Variants in FKBP9 observed in about 807,000 individuals in gnomAD.
FKBP9 encodes the protein peptidyl-prolyl cis-trans isomerase FKBP9.
Under a neutral mutation model 55.6 loss-of-function variants are expected in FKBP9, and 27 were observed. The observed-to-expected ratio is 0.49, with a 90% CI of 0.36 to 0.67. The LOEUF (loss-of-function observed/expected upper bound fraction) is 0.67, where lower values mean the gene tolerates loss of function less well. FKBP9 is among the 30% of genes least tolerant of loss of function. The probability of loss-of-function intolerance (pLI) is 0.00; values close to 1 mark genes in which losing one functional copy is unlikely to be tolerated. For synonymous variants in FKBP9, 267 were observed against 296.5 expected (o/e 0.90, Z 1.02); for missense variants, 539 against 742.8 (o/e 0.73, Z 3.19).
intron 1 of FKBP9, among the ~76,000 whole-genome samples, chr7:32,959,401 C>CA (rs1207045408): frequency 1.3e-4 from 19 of 151,646 alleles, no homozygotes; most frequent in Non-Finnish European, 2.4e-4. Flanking sequence ...GACTCCGTCT[C>CA]AAAAAACAAA....
At chr7:32,979,384 C>A (rs530415209) in intron 4 of FKBP9, 3 of 702,516 alleles carry the variant, frequency 4.3e-6, no homozygotes, top group South Asian at 1.6e-5. Context: ...CTATCTCCCA[C>A]GCATGCGATT....
rs1338591628 is a variant in FKBP9 at position 33,002,481 on chromosome 7, C to G, written c.1373-195C>G. On this transcript the variant is annotated intron_variant, in intron 8 of 9. Coordinates refer to ENST00000242209, the MANE Select transcript of FKBP9 (RefSeq NM_007270.5). ...AAATAACTAAACGCTGGTCACCACCCTCTAAACTGATTTCGTGAGTCATTA... is the reference window on the plus strand; with the variant it reads ...AAATAACTAAACGCTGGTCACCACCGTCTAAACTGATTTCGTGAGTCATTA... 2.6e-5 allele frequency among the ~76,000 whole-genome samples: 4 copies of G among 152,176 alleles called. No homozygotes were observed. In the East Asian group the frequency reaches 7.7e-4, roughly 29 times the overall value.
In FKBP9 at chr7:32,990,845, A is replaced by G. The variant is rs1010165622; in HGVS notation, c.1039+2193A>G. On this transcript the variant is annotated intron_variant, in intron 6 of 9. Transcript: ENST00000242209. ...TTGTTGATACATCATATGTATCTTG[A>G]GAGTTTTCCCAGTAGTGTTCATCCC... Among the ~76,000 whole-genome samples, 3 of 152,310 alleles carry G rather than the reference A, an allele frequency of 2.0e-5. No individual in the cohort carries two copies. In the East Asian group the frequency reaches 5.8e-4, roughly 29 times the overall value.
At chr7:32,961,866 A>G (rs1214091960) in intron 1 of FKBP9, among the ~76,000 whole-genome samples, 1 of 151,536 alleles carries the variant, frequency 6.6e-6, no homozygotes, top group Non-Finnish European at 1.5e-5. Flanking sequence ...CCTAGATGGG[A>G]CCATCTAGTT....
intron 1 of FKBP9, among the ~76,000 whole-genome samples, chr7:32,972,226 G>T: frequency 6.6e-6 from 1 of 152,134 alleles, no homozygotes; most frequent in Non-Finnish European, 1.5e-5. Context: ...GGGTGGAGGT[G>T]TAAAGCTGAC....
intron 4 of FKBP9, among the ~76,000 whole-genome samples, chr7:32,979,097 C>T (rs1398867571): frequency 9.9e-5 from 15 of 152,060 alleles, no homozygotes; most frequent in Middle Eastern, 3.4e-3. Context: ...GGGGAAACCC[C>T]GTCTCTACTA....
At position 32,974,899 on chromosome 7, in the gene FKBP9, C is replaced by A. The variant is rs1366681103; in HGVS notation, c.367+137C>A. 5 of 785,046 alleles carry A rather than the reference C, an allele frequency of 6.4e-6. No individual in the cohort carries two copies. In the East Asian group the frequency reaches 1.1e-4, roughly 17 times the overall value. The allele number at this position is 785,046 out of a possible 1,614,324, so 48.6% of individuals were successfully genotyped here. A position where few individuals can be genotyped will look rare whatever the true frequency, so the allele number is the denominator to read the frequency against. Reference sequence around the variant, plus strand: ...TGAAAAGCAGTGAACTCATACACAGCTAAAATTTCCATCTTAGGTTTATTT... The same window carrying A: ...TGAAAAGCAGTGAACTCATACACAGATAAAATTTCCATCTTAGGTTTATTT... On this transcript the variant is annotated intron_variant, in intron 2 of 9. Transcript: ENST00000242209.
intron 1 of FKBP9, among the ~76,000 whole-genome samples, chr7:32,965,832 T>TATATATGTGTATAC (rs1554284331): frequency 2.3e-5 from 1 of 43,476 alleles, no homozygotes; most frequent in Non-Finnish European, 4.3e-5. Flanking sequence ...TATATATATA[T>TATATATGTGTATAC]ATATATATAT....
intron 1 of FKBP9, among the ~76,000 whole-genome samples, chr7:32,965,843 A>ATATATATATG (rs1309792242): frequency 9.7e-5 from 4 of 41,414 alleles, no homozygotes; most frequent in African/African-American, 3.9e-4. Flanking sequence ...ATATATATAT[A>ATATATATATG]TGTGTGTACA....
chr7:32,959,172 G>C (rs1361272889), intron 1 of FKBP9, among the ~76,000 whole-genome samples: 2 of 152,068 alleles, frequency 1.3e-5, no homozygotes, highest in African/African-American at 2.4e-5. Context: ...TTGGGAGGCC[G>C]AGGCGGGCGG....
intron 8 of FKBP9, among the ~76,000 whole-genome samples, chr7:33,001,163 G>A (rs755533989): frequency 9.2e-5 from 14 of 152,090 alleles, no homozygotes; most frequent in Non-Finnish European, 1.9e-4. Flanking sequence ...ACAATGATAG[G>A]CACTGTGGAT....
At chr7:32,959,875 A>G (rs1238142720) in intron 1 of FKBP9, among the ~76,000 whole-genome samples, 2 of 152,152 alleles carry the variant, frequency 1.3e-5, no homozygotes, top group South Asian at 2.1e-4. Context: ...CTTTTTGGCT[A>G]TCATGAATGA....
intron 1 of FKBP9, among the ~76,000 whole-genome samples, chr7:32,973,077 A>G (rs1429790734): frequency 6.6e-6 from 1 of 152,160 alleles, no homozygotes; most frequent in Non-Finnish European, 1.5e-5. Context: ...GTGAGTAAAA[A>G]TCTGTTATAA....
chr7:32,995,575 A>G (rs1348504455), intron 6 of FKBP9, among the ~76,000 whole-genome samples: 1 of 152,238 alleles, frequency 6.6e-6, no homozygotes, highest in African/African-American at 2.4e-5. Context: ...ATTGGAAATT[A>G]TGGAAAAGTT....
At chr7:32,965,812 A>AATATATATATATATATAT in intron 1 of FKBP9, among the ~76,000 whole-genome samples, 1 of 34,942 alleles carries the variant, frequency 2.9e-5, no homozygotes, top group African/African-American at 1.2e-4. Flanking sequence ...AAAAAAAAAA[A>AATATATATATATATATAT]ATATATATAT....
intron 5 of FKBP9, among the ~76,000 whole-genome samples, chr7:32,985,410 A>T: frequency 6.6e-6 from 1 of 151,064 alleles, no homozygotes; most frequent in Non-Finnish European, 1.5e-5. Flanking sequence ...CGAACTCCTG[A>T]CCTCAAGTGA....
At chr7:32,976,936 A>T (rs1295805926) in intron 4 of FKBP9, among the ~76,000 whole-genome samples, 1 of 152,210 alleles carries the variant, frequency 6.6e-6, no homozygotes, top group Non-Finnish European at 1.5e-5. Context: ...TGGCTTTAAC[A>T]TTTGTGAAAT....
At chr7:32,998,164 G>A (rs1784853853) in intron 7 of FKBP9, among the ~76,000 whole-genome samples, 1 of 152,164 alleles carries the variant, frequency 6.6e-6, no homozygotes, top group African/African-American at 2.4e-5. Flanking sequence ...AGAAGCTAGC[G>A]GGAGGCAGGG....
At chr7:32,997,048 C>A (rs1784812790) in intron 7 of FKBP9, among the ~76,000 whole-genome samples, 1 of 151,880 alleles carries the variant, frequency 6.6e-6, no homozygotes, top group Non-Finnish European at 1.5e-5. Flanking sequence ...CCCGCCTCGG[C>A]CTCCCAAAGT....
Sources: allele counts gnomAD v4.1 joint callset (sites outside exome capture counted in the v4.1 genomes callset), GRCh38; gene constraint gnomAD v4.1.1; transcripts MANE v1.5; gene names NCBI Gene and HGNC (gene_info 2026-07-23, HGNC 2026-07-21).